Variants in PGM5 observed in about 807,000 individuals in gnomAD.
The protein encoded by PGM5 is phosphoglucomutase-like protein 5.
In PGM5, 23 loss-of-function variants were observed where a neutral mutation model predicts 59.2. The observed-to-expected ratio is 0.39, with a 90% confidence interval of 0.28 to 0.55. The LOEUF is 0.55. PGM5 is among the 20% of genes least tolerant of loss of function. PGM5 has a pLI of 0.66. For missense variants in PGM5, 574 were observed against 748.3 expected (o/e 0.77, Z 2.72); for synonymous variants, 214 against 286.0 (o/e 0.75, Z 2.54).
intron 8 of PGM5, among the ~76,000 whole-genome samples, chr9:68,482,822 G>C (rs1374127062): frequency 6.6e-6 from 1 of 152,262 alleles, no homozygotes; most frequent in Non-Finnish European, 1.5e-5. Flanking sequence ...AAGCACAAGT[G>C]CCTGGCACTG....
intron 10 of PGM5, among the ~76,000 whole-genome samples, chr9:68,504,466 T>G (rs1373085756): frequency 1.3e-5 from 2 of 152,160 alleles, no homozygotes; most frequent in Non-Finnish European, 2.9e-5. Context: ...CTATCTCTTT[T>G]CCTGCTTCTT....
At chr9:68,357,724 C>G (rs1483428108) in intron 1 of PGM5, 1 of 366,726 alleles carries the variant, frequency 2.7e-6, no homozygotes, top group South Asian at 2.8e-5. Context: ...TTCTCTTACC[C>G]GGCCCTGTAG....
At chr9:68,434,349 A>G (rs1343906575) in intron 6 of PGM5, among the ~76,000 whole-genome samples, 1 of 151,842 alleles carries the variant, frequency 6.6e-6, no homozygotes, top group African/African-American at 2.4e-5. Context: ...AGAAAAAGAA[A>G]AAAAGAAAAA....
At chr9:68,410,304 G>T (rs1265718564) in intron 6 of PGM5, among the ~76,000 whole-genome samples, 1 of 152,222 alleles carries the variant, frequency 6.6e-6, no homozygotes, top group Admixed American at 6.5e-5. Flanking sequence ...ATTCTGAATG[G>T]CCACGAGCAT....
intron 6 of PGM5, among the ~76,000 whole-genome samples, chr9:68,442,585 G>A (rs1301306890): frequency 3.3e-5 from 5 of 152,230 alleles, no homozygotes; most frequent in African/African-American, 1.2e-4. Context: ...AGCAAAGGCA[G>A]AGATAATGAA....
At chr9:68,405,477 C>T (rs1470983366) in intron 6 of PGM5, 2 of 152,492 alleles carry the variant, frequency 1.3e-5, no homozygotes, top group African/African-American at 4.8e-5. Flanking sequence ...TGCAAATAGT[C>T]TGAGACTCAC....
chr9:68,519,300 A>C (rs1824863998), intron 10 of PGM5, among the ~76,000 whole-genome samples: 1 of 152,214 alleles, frequency 6.6e-6, no homozygotes, highest in South Asian at 2.1e-4. Context: ...GGCTGTATAA[A>C]ATATTAATAA....
chr9:68,377,701 A>T (rs1232545824), intron 1 of PGM5, among the ~76,000 whole-genome samples: 2 of 152,276 alleles, frequency 1.3e-5, no homozygotes, highest in Non-Finnish European at 2.9e-5. Flanking sequence ...GAGAAAAGTC[A>T]TTCCTGAAGA....
In PGM5 at chr9:68,401,063, G is replaced by A. The variant is rs1190793014; in HGVS notation, c.1043+8590G>A. On this transcript the variant is annotated intron_variant, in intron 6 of 10. Coordinates refer to ENST00000396396, the MANE Select transcript of PGM5 (RefSeq NM_021965.4). ...GTTTCTAAGAGTTGGTGTCTAATGG[G>A]AAAGTGATCTCAGGCCTGTAGTTGG... Among the ~76,000 whole-genome samples, 48 of 148,794 alleles carry A rather than the reference G, an allele frequency of 3.2e-4. 1 individual carries two copies. Among genetic ancestry groups the A allele is most frequent in the African/African-American group, 1.1e-3 (44 of 40,308 alleles).
chr9:68,510,083 T>A (rs1331537868), intron 10 of PGM5, among the ~76,000 whole-genome samples: 3 of 151,940 alleles, frequency 2.0e-5, no homozygotes, highest in Non-Finnish European at 4.4e-5. Flanking sequence ...CAAGATTTTG[T>A]TTTTTTCACA....
At chr9:68,480,830 T>C (rs80193949) in intron 8 of PGM5, among the ~76,000 whole-genome samples, 3,885 of 152,314 alleles carry the variant, frequency 0.026, 77 homozygotes, top group African/African-American at 0.062. Flanking sequence ...CTATATCACT[T>C]TCCCGTTGTT....
intron 7 of PGM5, among the ~76,000 whole-genome samples, chr9:68,478,752 G>A (rs1270998488): frequency 6.6e-6 from 1 of 152,156 alleles, no homozygotes; most frequent in Non-Finnish European, 1.5e-5. Flanking sequence ...TTATAAGAAT[G>A]TTTATCATTG....
At chr9:68,363,091 A>G (rs1195948390) in intron 1 of PGM5, among the ~76,000 whole-genome samples, 1 of 151,536 alleles carries the variant, frequency 6.6e-6, no homozygotes, top group African/African-American at 2.4e-5. Context: ...GCTGGTCTTG[A>G]ACTCCTGACC....
chr9:68,397,926 C>T (rs1216283938), intron 6 of PGM5: 1 of 152,226 alleles, frequency 6.6e-6, no homozygotes, highest in Admixed American at 6.5e-5. Context: ...TTGCCAATCC[C>T]CAATCTAAAA....
chr9:68,488,082 A>G (rs1337313170), intron 9 of PGM5, among the ~76,000 whole-genome samples: 3 of 152,228 alleles, frequency 2.0e-5, no homozygotes, highest in South Asian at 4.1e-4. Flanking sequence ...TATGTTTTAA[A>G]AAAAGCATCC....
chr9:68,528,182 C>A (rs1587236536), intron 10 of PGM5, among the ~76,000 whole-genome samples: 1 of 152,120 alleles, frequency 6.6e-6, no homozygotes, highest in South Asian at 2.1e-4. Context: ...CTAATATTAC[C>A]CAAACTTCTT....
intron 6 of PGM5, among the ~76,000 whole-genome samples, chr9:68,424,662 T>A (rs1554682588): frequency 6.6e-6 from 1 of 152,220 alleles, no homozygotes; most frequent in African/African-American, 2.4e-5. Flanking sequence ...TGGAAAAGGA[T>A]GAAATAAATA....
At chr9:68,452,769 G>A (rs1389234935) in intron 6 of PGM5, among the ~76,000 whole-genome samples, 2 of 152,328 alleles carry the variant, frequency 1.3e-5, no homozygotes, top group South Asian at 2.1e-4. Context: ...GCTAAGGCAG[G>A]GCTGCCCTTC....
Position 68,529,708 on chromosome 9 carries a change from C to A in PGM5, c.*52C>A. 1.8e-6 allele frequency: 2 copies of A among 1,095,172 alleles called. No individual in the cohort carries two copies. The highest frequency in any genetic ancestry group is 2.6e-6 in the Non-Finnish European group (2 of 761,508). The allele number at this position is 1,095,172 out of a possible 1,614,324, so 67.8% of individuals were successfully genotyped here. A position where few individuals can be genotyped will look rare whatever the true frequency, so the allele number is the denominator to read the frequency against. ...CAAAGAGAGTGCTCAGCGGGAGATG[C>A]TTCACTGATGCCTTCTTGCTACCTG... is the stretch of plus-strand genomic sequence containing the variant. On this transcript the variant is annotated 3_prime_UTR_variant, in exon 11 of 11. Transcript: ENST00000396396.
Sources: allele counts gnomAD v4.1 joint callset (sites outside exome capture counted in the v4.1 genomes callset), GRCh38; gene constraint gnomAD v4.1.1; transcripts MANE v1.5; gene names NCBI Gene and HGNC (gene_info 2026-07-23, HGNC 2026-07-21).